Variants in KIF16B observed in about 807,000 individuals in gnomAD.
KIF16B encodes kinesin family member 16B, also known as kinesin-like protein KIF16B.
KIF16B carries 98 observed loss-of-function variants against 156.3 expected under a neutral mutation model. The observed-to-expected ratio is 0.63, with a 90% CI of 0.53 to 0.74. The LOEUF (loss-of-function observed/expected upper bound fraction) is 0.74, where lower values mean the gene tolerates loss of function less well. KIF16B is among the 30% of genes least tolerant of loss of function. The pLI, the probability that KIF16B is intolerant of heterozygous loss-of-function variation, is 0.00. For synonymous variants in KIF16B, 564 were observed against 583.7 expected (o/e 0.97, Z 0.49); for missense variants, 1,421 against 1,606.5 (o/e 0.88, Z 1.97).
At chr20:16,409,131 AAC>A (rs1331623730) in intron 15 of KIF16B, among the ~76,000 whole-genome samples, 7 of 152,196 alleles carry the variant, frequency 4.6e-5, no homozygotes, top group Non-Finnish European at 7.3e-5. Flanking sequence ...CTCAAAGAGC[AAC>A]AATGATAAGG....
chr20:16,561,537 G>A (rs2071063142), intron 1 of KIF16B, among the ~76,000 whole-genome samples: 1 of 152,042 alleles, frequency 6.6e-6, no homozygotes, highest in Non-Finnish European at 1.5e-5. Flanking sequence ...GTTGCCATGA[G>A]GGGAAAATTC....
chr20:16,282,032 C>T (rs796669885), intron 25 of KIF16B, among the ~76,000 whole-genome samples: 40 of 120,862 alleles, frequency 3.3e-4, no homozygotes, highest in African/African-American at 1.2e-3. Flanking sequence ...TTTTCTGTTT[C>T]TTTTTTTTTT....
intron 14 of KIF16B, among the ~76,000 whole-genome samples, chr20:16,427,528 A>G (rs1391982210): frequency 6.6e-6 from 1 of 152,116 alleles, no homozygotes. Flanking sequence ...TTGGGGAGAA[A>G]ACAGTCGAGT....
chr20:16,337,765 C>T (rs986017052), intron 23 of KIF16B, among the ~76,000 whole-genome samples: 3 of 152,174 alleles, frequency 2.0e-5, no homozygotes, highest in African/African-American at 7.2e-5. Context: ...GGGCTTCCTC[C>T]GGCCCACAGC....
chr20:16,502,813 C>T (rs930574881), intron 10 of KIF16B, among the ~76,000 whole-genome samples: 1 of 152,182 alleles, frequency 6.6e-6, no homozygotes, highest in Non-Finnish European at 1.5e-5. Context: ...GCACAAGAAA[C>T]TGCACATAGA....
intron 1 of KIF16B, among the ~76,000 whole-genome samples, chr20:16,571,965 C>A (rs1364644475): frequency 2.0e-5 from 3 of 152,168 alleles, no homozygotes; most frequent in Admixed American, 1.3e-4. Context: ...AATTTTCTAG[C>A]ATGTGTTCAC....
At chr20:16,539,368 T>A (rs1213659561) in intron 1 of KIF16B, among the ~76,000 whole-genome samples, 1 of 152,220 alleles carries the variant, frequency 6.6e-6, no homozygotes, top group Non-Finnish European at 1.5e-5. Context: ...AGGAAGTTAC[T>A]AGGAACTGAA....
chr20:16,454,610 A>C (rs1375976301), intron 12 of KIF16B, among the ~76,000 whole-genome samples: 1 of 152,092 alleles, frequency 6.6e-6, no homozygotes, highest in Non-Finnish European at 1.5e-5. Flanking sequence ...ACTAATAATA[A>C]AATTACTTAA....
chr20:16,404,710 C>T (rs758972390), intron 17 of KIF16B, 103 bp downstream of exon 17: 36 of 805,902 alleles, frequency 4.5e-5, no homozygotes, highest in Admixed American at 6.5e-5. Context: ...GATAAGGAGG[C>T]GCCGTTGCAG....
intron 17 of KIF16B, among the ~76,000 whole-genome samples, chr20:16,395,026 CTA>C (rs1486116341): frequency 6.6e-6 from 1 of 151,302 alleles, no homozygotes; most frequent in African/African-American, 2.4e-5. Flanking sequence ...AAACTAGATT[CTA>C]TGTCTGTTTT....
chr20:16,377,312 C>A (rs2064976513), intron 19 of KIF16B, among the ~76,000 whole-genome samples: 1 of 152,056 alleles, frequency 6.6e-6, no homozygotes, highest in South Asian at 2.1e-4. Flanking sequence ...ATAATCCCGG[C>A]ACTTTAGGAG....
rs184049752 is a variant in KIF16B, at chr20:16,384,913, T to A, written c.1785-3166A>T. Among the ~76,000 whole-genome samples the A allele has an allele frequency of 4.3e-3, 650 of 152,152 alleles. 6 individuals are homozygous for A. Among genetic ancestry groups the A allele is most frequent in the Non-Finnish European group, 5.6e-3 (384 of 67,992 alleles). The stretch of plus-strand genomic sequence containing the variant: ...CAATTTTTAAAAAGTAGGTGCTCAG[T>A]TGGCCAGGCACGGTGGCTCACACCT... On this transcript the variant is annotated intron_variant, in intron 17 of 25. Coordinates refer to ENST00000354981, the MANE Select transcript of KIF16B (RefSeq NM_024704.5).
intron 12 of KIF16B, among the ~76,000 whole-genome samples, chr20:16,445,401 T>C (rs1009448351): frequency 6.8e-6 from 1 of 146,442 alleles, no homozygotes; most frequent in Admixed American, 7.1e-5. Flanking sequence ...TATTCATTTG[T>C]ATTCAGACAT....
chr20:16,383,549 A>G (rs2065156332), intron 17 of KIF16B, among the ~76,000 whole-genome samples: 1 of 152,260 alleles, frequency 6.6e-6, no homozygotes, highest in African/African-American at 2.4e-5. Context: ...GCCAGTCATG[A>G]AGGCCAGCCC....
chr20:16,409,419 A>T (rs1162696592), intron 15 of KIF16B, among the ~76,000 whole-genome samples: 1 of 152,028 alleles, frequency 6.6e-6, no homozygotes, highest in Non-Finnish European at 1.5e-5. Context: ...GATGTAAAGG[A>T]TCTTGTGTTT....
At chr20:16,390,916 A>G (rs2065347719) in intron 17 of KIF16B, among the ~76,000 whole-genome samples, 1 of 152,230 alleles carries the variant, frequency 6.6e-6, no homozygotes, top group Non-Finnish European at 1.5e-5. Flanking sequence ...AGAGTGAAAG[A>G]AAACATGCTC....
At chr20:16,499,452 A>T (rs2146966761) in intron 10 of KIF16B, among the ~76,000 whole-genome samples, 1 of 152,354 alleles carries the variant, frequency 6.6e-6, no homozygotes, top group South Asian at 2.1e-4. Context: ...ACCCAAGGTC[A>T]AATCCATCCT....
chr20:16,501,800 A>G (rs2146982512), intron 10 of KIF16B, among the ~76,000 whole-genome samples: 1 of 152,274 alleles, frequency 6.6e-6, no homozygotes, highest in South Asian at 2.1e-4. Flanking sequence ...ACAGGCAAAA[A>G]TAAAAACTAA....
At chr20:16,353,889 C>T (rs1331366732) in intron 23 of KIF16B, among the ~76,000 whole-genome samples, 1 of 152,186 alleles carries the variant, frequency 6.6e-6, no homozygotes, top group Non-Finnish European at 1.5e-5. Context: ...AGACATTCTC[C>T]AAGTTGGTGC....
Sources: gnomAD v4.1 joint callset for allele counts (sites outside exome capture counted in the v4.1 genomes callset) on GRCh38, gnomAD v4.1.1 for gene constraint, MANE v1.5 for transcripts, NCBI Gene and HGNC (gene_info 2026-07-23, HGNC 2026-07-21) for gene names.